The following TENM2 variants were observed in gnomAD, a reference collection of about 807,000 sequenced individuals.
The protein encoded by TENM2 is teneurin transmembrane protein 2.
In TENM2, 52 loss-of-function variants were observed where a neutral mutation model predicts 245.2. The ratio of observed to expected loss-of-function variants is 0.21; its 90% CI spans 0.17 to 0.27. TENM2 has a LOEUF of 0.27. TENM2 is among the 10% of genes least tolerant of loss of function. The pLI, the probability that TENM2 is intolerant of heterozygous loss-of-function variation, is 1.00. For synonymous variants in TENM2, 1,363 were observed against 1,438.9 expected, an observed-to-expected ratio of 0.95 and a Z score of 1.19; for missense variants, 3,046 against 3,666.8, an observed-to-expected ratio of 0.83 and a Z score of 4.37.
At chr5:167,763,154 A>G (rs1430817052) in intron 2 of TENM2, among the ~76,000 whole-genome samples, 1 of 152,226 alleles carries the variant, frequency 6.6e-6, no homozygotes, top group Non-Finnish European at 1.5e-5. Context: ...CAGCTGGTGC[A>G]AGGCTCACTG....
chr5:167,371,069 A>G (rs923427661), intron 1 of TENM2, among the ~76,000 whole-genome samples: 2 of 152,236 alleles, frequency 1.3e-5, no homozygotes, highest in Non-Finnish European at 2.9e-5. Flanking sequence ...TTCTTGCTGT[A>G]AGATAAAATA....
chr5:168,238,221 G>GAAGAAAAGAGAAAAGAAAAGAA (rs1765720031), intron 25 of TENM2, among the ~76,000 whole-genome samples: 1 of 24,368 alleles, frequency 4.1e-5, no homozygotes, highest in Non-Finnish European at 8.2e-5. Flanking sequence ...GAGGGAGAGA[G>GAAGAAAAGAGAAAAGAAAAGAA]AAGAAAAGAA....
In TENM2 at chr5:168,052,684, A is replaced by G. The variant is rs932694552; in HGVS notation, c.1309+5135A>G. On this transcript the variant is annotated intron_variant, in intron 6 of 28. Transcript: ENST00000518659. ...ATGTGTACACCAAGTTGGCCCCTCC[A>G]CACTGCATTATTTGTCTCACTGGAG... Among the ~76,000 whole-genome samples the G allele has an allele frequency of 4.6e-5, 7 of 152,074 alleles. No homozygotes were observed. In the East Asian group the frequency reaches 1.4e-3, roughly 30 times the overall value.
At chr5:168,174,143 A>G (rs1315712047) in intron 13 of TENM2, among the ~76,000 whole-genome samples, 1 of 152,188 alleles carries the variant, frequency 6.6e-6, no homozygotes, top group Non-Finnish European at 1.5e-5. Context: ...CCTCAGACAG[A>G]AGGCTGATAT....
At chr5:168,076,976 C>T (rs533620035) in intron 7 of TENM2, among the ~76,000 whole-genome samples, 1 of 152,232 alleles carries the variant, frequency 6.6e-6, no homozygotes, top group Non-Finnish European at 1.5e-5. Context: ...TTAAGAGTGT[C>T]CTCTTTGAAG....
intron 2 of TENM2, among the ~76,000 whole-genome samples, chr5:167,620,781 T>G (rs2127769704): frequency 6.6e-6 from 1 of 152,208 alleles, no homozygotes; most frequent in Non-Finnish European, 1.5e-5. Context: ...GGTTTAGAGC[T>G]CTGGTCTCCT....
exon 27 of TENM2, chr5:168,248,181 A>C: frequency 6.2e-7 from 1 of 1,613,406 alleles, no homozygotes; most frequent in East Asian, 2.2e-5. Flanking sequence ...TCCATGGGGG[A>C]CTCTATGACC....
At chr5:167,648,402 A>G (rs1780107434) in intron 2 of TENM2, among the ~76,000 whole-genome samples, 1 of 152,246 alleles carries the variant, frequency 6.6e-6, no homozygotes, top group African/African-American at 2.4e-5. Flanking sequence ...TCTTTTGCTC[A>G]CTATATGTCA....
At chr5:167,826,414 A>G (rs1023486374) in intron 2 of TENM2, among the ~76,000 whole-genome samples, 1 of 152,178 alleles carries the variant, frequency 6.6e-6, no homozygotes, top group Admixed American at 6.6e-5. Flanking sequence ...CCAAAAAGCC[A>G]GCACTTTCTT....
At chr5:167,095,962 G>A in the TENM2 span, among the ~76,000 whole-genome samples, 1 of 151,822 alleles carries the variant, frequency 6.6e-6, no homozygotes, top group South Asian at 2.1e-4. Context: ...AGTAGAGATG[G>A]GGTTTCACCA....
intron 2 of TENM2, among the ~76,000 whole-genome samples, chr5:167,459,844 G>A (rs1011031254): frequency 6.6e-6 from 1 of 151,574 alleles, no homozygotes; most frequent in Admixed American, 6.6e-5. Context: ...CTTATTTACA[G>A]TTTGCAAATC....
intron 20 of TENM2, among the ~76,000 whole-genome samples, chr5:168,214,360 G>A (rs558375690): frequency 6.6e-6 from 1 of 152,328 alleles, no homozygotes; most frequent in Admixed American, 6.5e-5. Context: ...CGTGGCTCAC[G>A]CCTGTGACCT....
chr5:167,281,213 A>C (rs1426692437), upstream of TENM2, among the ~76,000 whole-genome samples: 4 of 151,046 alleles, frequency 2.6e-5, no homozygotes, highest in Admixed American at 2.0e-4. Context: ...GGTTCAAGCA[A>C]TTCTCTTCCT....
intron 2 of TENM2, among the ~76,000 whole-genome samples, chr5:167,808,486 C>T (rs952766159): frequency 6.6e-5 from 10 of 152,152 alleles, no homozygotes; most frequent in African/African-American, 2.4e-4. Flanking sequence ...TCTCAAACTC[C>T]TGACCTCAGG....
chr5:167,837,060 G>A (rs1420974101), intron 2 of TENM2, among the ~76,000 whole-genome samples: 5 of 117,004 alleles, frequency 4.3e-5, no homozygotes, highest in Non-Finnish European at 9.2e-5. Flanking sequence ...ATATATGTAT[G>A]CCTAAGTACA....
chr5:167,935,388 G>A (rs971352506), intron 3 of TENM2, among the ~76,000 whole-genome samples: 1 of 152,116 alleles, frequency 6.6e-6, no homozygotes, highest in African/African-American at 2.4e-5. Flanking sequence ...CAGGACTGAT[G>A]TGGGTCACAG....
chr5:167,051,649 A>T, the TENM2 span, among the ~76,000 whole-genome samples: 1 of 152,190 alleles, frequency 6.6e-6, no homozygotes, highest in Non-Finnish European at 1.5e-5. Flanking sequence ...CGTATTCTAC[A>T]CAGATGTTGT....
intron 13 of TENM2, chr5:168,166,047 A>G (rs1043857394): frequency 6.6e-6 from 1 of 152,146 alleles, no homozygotes; most frequent in Non-Finnish European, 1.5e-5. Flanking sequence ...GTTGCTCCTC[A>G]TCAACTCCAG....
intron 17 of TENM2, among the ~76,000 whole-genome samples, chr5:168,202,664 G>A (rs573063723): frequency 1.3e-4 from 20 of 151,730 alleles, no homozygotes; most frequent in African/African-American, 4.8e-4. Flanking sequence ...TGGTCATTTG[G>A]CCTTTGTTTC....
Sources: gnomAD v4.1 joint callset for allele counts (sites outside exome capture counted in the v4.1 genomes callset) on GRCh38, gnomAD v4.1.1 for gene constraint, MANE v1.5 for transcripts, NCBI Gene and HGNC (gene_info 2026-07-23, HGNC 2026-07-21) for gene names.